The following COL14A1 variants were observed in gnomAD, a reference collection of about 807,000 sequenced individuals.
COL14A1 encodes collagen type XIV alpha 1 chain.
In COL14A1, 136 loss-of-function variants were observed where a neutral mutation model predicts 230.3. That is an observed-to-expected ratio of 0.59 (90% confidence interval 0.51 to 0.68). COL14A1 has a LOEUF of 0.68. Among genes scored for constraint, COL14A1 ranks in the 30% least tolerant of loss-of-function variants. The pLI, the probability that COL14A1 is intolerant of heterozygous loss-of-function variation, is 0.00. For missense variants in COL14A1, 1,976 were observed against 2,215.8 expected, an observed-to-expected ratio of 0.89 and a Z score of 2.17; for synonymous variants, 792 against 784.1, an observed-to-expected ratio of 1.01 and a Z score of -0.17.
intron 40 of COL14A1, among the ~76,000 whole-genome samples, chr8:120,321,221 G>T (rs1297633969): frequency 6.6e-6 from 1 of 152,170 alleles, no homozygotes; most frequent in Non-Finnish European, 1.5e-5. Flanking sequence ...AGATACTGAT[G>T]CTTCACCCAT....
chr8:120,217,620 A>G (rs1041295079), intron 14 of COL14A1, among the ~76,000 whole-genome samples: 1 of 152,222 alleles, frequency 6.6e-6, no homozygotes, highest in Non-Finnish European at 1.5e-5. Context: ...GCTAACATAT[A>G]GAAATACTGT....
At chr8:120,253,562 A>G (rs1563698246) in intron 22 of COL14A1, among the ~76,000 whole-genome samples, 1 of 152,234 alleles carries the variant, frequency 6.6e-6, no homozygotes, top group Non-Finnish European at 1.5e-5. Context: ...ACAATGGCAA[A>G]TAAATTAATA....
At chr8:120,301,718 G>A (rs557088100) in intron 36 of COL14A1, among the ~76,000 whole-genome samples, 17 of 152,118 alleles carry the variant, frequency 1.1e-4, no homozygotes, top group African/African-American at 3.6e-4. Flanking sequence ...GGGTATATAC[G>A]CAGTAATAGG....
chr8:120,370,722 C>T, intron 47 of COL14A1: 2 of 1,399,672 alleles, frequency 1.4e-6, no homozygotes, highest in Non-Finnish European at 1.9e-6. Context: ...CTTCCTCCTT[C>T]CTCTCCCCAC....
At chr8:120,191,521 G>C (rs1485560614) in intron 5 of COL14A1, among the ~76,000 whole-genome samples, 1 of 151,436 alleles carries the variant, frequency 6.6e-6, no homozygotes, top group East Asian at 1.9e-4. Context: ...TGTATATTCT[G>C]TTGATTTGGG....
At chr8:120,298,128 T>G (rs1026597231) in intron 35 of COL14A1, among the ~76,000 whole-genome samples, 10 of 152,080 alleles carry the variant, frequency 6.6e-5, no homozygotes, top group African/African-American at 2.4e-4. Flanking sequence ...TCCTCACTTC[T>G]TTTTCTACAT....
At chr8:120,245,699 C>T (rs1042568403) in intron 20 of COL14A1, among the ~76,000 whole-genome samples, 4 of 152,090 alleles carry the variant, frequency 2.6e-5, no homozygotes, top group African/African-American at 7.2e-5. Flanking sequence ...CTGGATGTTA[C>T]AGGACAACTT....
intron 21 of COL14A1, among the ~76,000 whole-genome samples, chr8:120,248,347 T>C (rs2129657155): frequency 6.6e-6 from 1 of 152,234 alleles, no homozygotes; most frequent in East Asian, 1.9e-4. Flanking sequence ...AAAGCGATCG[T>C]ACCCTTGGTC....
In COL14A1 at chr8:120,227,263, T is replaced by C; in HGVS notation, c.2048T>C (p.Leu683Pro). 6.2e-7 allele frequency: 1 copy of C among 1,614,082 alleles called. No homozygotes were observed. The highest frequency in any genetic ancestry group is 8.5e-7 in the Non-Finnish European group (1 of 1,179,978). The change falls in exon 17 of 48, where the codon CTG becomes CCG. Residue 683 changes from leucine to proline, a missense_variant. By Grantham distance (98) the Leu-to-Pro change is moderately conservative. Transcript: ENST00000297848. The stretch of plus-strand genomic sequence containing the variant: ...CAGGACTCACATGTTATTGAAGGCC[T>C]GGAGCCCGGTACGGAGTATGAAGTT... ...EEQDSHVIEG[L>P]EPGTEYEVSL...
At chr8:120,368,095 G>A (rs1823468205) in intron 46 of COL14A1, among the ~76,000 whole-genome samples, 1 of 152,154 alleles carries the variant, frequency 6.6e-6, no homozygotes, top group South Asian at 2.1e-4. Context: ...GCTATTTGGT[G>A]AGCACTAGTA....
At chr8:120,296,598 C>A (rs539345279) in intron 34 of COL14A1, among the ~76,000 whole-genome samples, 3 of 152,030 alleles carry the variant, frequency 2.0e-5, no homozygotes, top group East Asian at 1.9e-4. Context: ...ACAATTTCAT[C>A]CTTCTCCCAG....
At chr8:120,259,926 T>C (rs1819271476) in intron 23 of COL14A1, among the ~76,000 whole-genome samples, 1 of 152,142 alleles carries the variant, frequency 6.6e-6, no homozygotes, top group Non-Finnish European at 1.5e-5. Flanking sequence ...CTGGAAACCA[T>C]AGACTAAACT....
At chr8:120,222,358 T>A (rs1817958074) in intron 14 of COL14A1, among the ~76,000 whole-genome samples, 1 of 152,208 alleles carries the variant, frequency 6.6e-6, no homozygotes, top group African/African-American at 2.4e-5. Flanking sequence ...CACTACAGCT[T>A]AAAATACAGC....
Position 120,233,982 on chromosome 8 carries a change from C to T in COL14A1, c.2349+2364C>T, listed in dbSNP as rs980471894. ...ATATTTTTCCATTTGTTTGTGTCCT[C>T]TCTTATTTCCTTGAGCAGTGGTTTG... is the stretch of plus-strand genomic sequence containing the variant. On this transcript the variant is annotated intron_variant, in intron 19 of 47. Transcript: ENST00000297848. Among the ~76,000 whole-genome samples the T allele has an allele frequency of 2.6e-4, 40 of 152,302 alleles. 1 individual carries two copies. The highest frequency in any genetic ancestry group is 2.1e-4 in the South Asian group (1 of 4,826).
intron 2 of COL14A1, among the ~76,000 whole-genome samples, chr8:120,157,826 A>G (rs1386343821): frequency 1.3e-5 from 2 of 151,754 alleles, no homozygotes; most frequent in East Asian, 1.9e-4. Context: ...TCTACTAAAA[A>G]TTCAAGAAAA....
intron 4 of COL14A1, among the ~76,000 whole-genome samples, chr8:120,165,675 CT>C (rs58698595): frequency 0.099 from 15,101 of 152,128 alleles, 2,048 homozygotes; most frequent in African/African-American, 0.31. Context: ...TCCATAATGT[CT>C]GTTATTTTTT....
At chr8:120,259,437 G>A (rs926521234) in intron 23 of COL14A1, among the ~76,000 whole-genome samples, 4 of 152,048 alleles carry the variant, frequency 2.6e-5, no homozygotes, top group Non-Finnish European at 5.9e-5. Flanking sequence ...CCTCCTTTTG[G>A]CATGAGAGGT....
chr8:120,188,265 A>G (rs1326357379), intron 5 of COL14A1, among the ~76,000 whole-genome samples: 1 of 152,044 alleles, frequency 6.6e-6, no homozygotes, highest in African/African-American at 2.4e-5. Context: ...GTATTTTTGT[A>G]GAGACGGGGT....
At chr8:120,370,912 T>C (rs941002707) in intron 47 of COL14A1, 14 of 1,189,442 alleles carry the variant, frequency 1.2e-5, no homozygotes, top group Non-Finnish European at 1.4e-5. Flanking sequence ...AAACATAATA[T>C]TTAAATGGTT....
Sources: gnomAD v4.1 joint callset for allele counts (sites outside exome capture counted in the v4.1 genomes callset) on GRCh38, gnomAD v4.1.1 for gene constraint, MANE v1.5 for transcripts, NCBI Gene and HGNC (gene_info 2026-07-23, HGNC 2026-07-21) for gene names.